Variants in MTMR10 observed in about 807,000 individuals in gnomAD.
MTMR10 encodes myotubularin related protein 10.
Under a neutral mutation model 88.1 loss-of-function variants are expected in MTMR10, and 56 were observed. The ratio of observed to expected loss-of-function variants is 0.64; its 90% CI spans 0.51 to 0.79. MTMR10 has a LOEUF of 0.79. Among genes scored for constraint, MTMR10 ranks in the 30% least tolerant of loss-of-function variants. The probability of loss-of-function intolerance (pLI) is 0.00; values close to 1 mark genes in which losing one functional copy is unlikely to be tolerated. For missense variants in MTMR10, 883 were observed against 924.7 expected, an observed-to-expected ratio of 0.95 and a Z score of 0.58; for synonymous variants, 380 against 340.9, an observed-to-expected ratio of 1.11 and a Z score of -1.26.
chr15:30,919,475 G>A, the MTMR10 span, among the ~76,000 whole-genome samples: 4 of 151,508 alleles, frequency 2.6e-5, 1 homozygote, highest in Admixed American at 2.0e-4. Context: ...TGGATCACTT[G>A]AGGTCAGGAG....
At chr15:30,960,526 G>A (rs575689312) in intron 7 of MTMR10, among the ~76,000 whole-genome samples, 265 of 152,260 alleles carry the variant, frequency 1.7e-3, no homozygotes, top group Middle Eastern at 3.4e-3. Context: ...GTAAAAAAGA[G>A]GTGGGAGGAG....
intron 9 of MTMR10, among the ~76,000 whole-genome samples, chr15:30,955,992 C>A (rs1444155638): frequency 3.1e-5 from 3 of 96,040 alleles, no homozygotes; most frequent in Non-Finnish European, 6.4e-5. Context: ...AAAACAAAAC[C>A]CTGCTGTTGT....
the MTMR10 span, chr15:30,928,878 T>C: frequency 2.6e-6 from 2 of 774,340 alleles, no homozygotes; most frequent in Non-Finnish European, 3.1e-6. Context: ...CACCTTACAT[T>C]TAGACCTTTC....
intron 7 of MTMR10, among the ~76,000 whole-genome samples, chr15:30,960,426 A>G (rs1240522275): frequency 2.0e-5 from 3 of 152,224 alleles, no homozygotes; most frequent in Admixed American, 1.3e-4. Context: ...AGAGGAACAC[A>G]TTACGGGACA....
intron 12 of MTMR10, chr15:30,950,147 C>T (rs1329423670): frequency 6.6e-6 from 1 of 152,060 alleles, no homozygotes; most frequent in African/African-American, 2.4e-5. Flanking sequence ...ATTACAAATG[C>T]ATGGAGAAAT....
intron 5 of MTMR10, among the ~76,000 whole-genome samples, chr15:30,970,803 G>T (rs1462829210): frequency 6.6e-6 from 1 of 152,032 alleles, no homozygotes; most frequent in Non-Finnish European, 1.5e-5. Context: ...ATCACATCAG[G>T]TTAGGAAACA....
At chr15:30,944,219 A>C (rs1285345195) in intron 14 of MTMR10, among the ~76,000 whole-genome samples, 1 of 152,122 alleles carries the variant, frequency 6.6e-6, no homozygotes, top group Non-Finnish European at 1.5e-5. Context: ...GTTTTACAAA[A>C]TTTTCTATTT....
chr15:30,945,253 T>C (rs889066348), intron 14 of MTMR10, among the ~76,000 whole-genome samples: 2 of 152,104 alleles, frequency 1.3e-5, no homozygotes, highest in South Asian at 2.1e-4. Flanking sequence ...GGGGGATTCA[T>C]GTTAGTATTT....
chr15:30,924,998 A>T, the MTMR10 span: 1 of 892,854 alleles, frequency 1.1e-6, no homozygotes, highest in East Asian at 2.5e-5. Context: ...AATCTCTAGA[A>T]GTGCTGTTTG....
intron 1 of MTMR10, 112 bp from the exon 2 acceptor site, chr15:30,990,949 C>A (rs990408843): frequency 1.1e-5 from 9 of 842,442 alleles, no homozygotes; most frequent in South Asian, 1.7e-5. Flanking sequence ...ACACAGCCCC[C>A]CATTTAAATT....
rs190397007 is a variant in MTMR10, at chr15:30,975,609, C to T, written c.259-606G>A. 5.9e-3 allele frequency among the ~76,000 whole-genome samples: 893 copies of T among 152,156 alleles called. 6 individuals carry two copies. Among genetic ancestry groups the T allele is most frequent in the Middle Eastern group, 0.02 (6 of 294 alleles). ...CAAAGAGAAACACACAAGCCTATAT[C>T]CAAATAAGCTACTGTCCCTACACAG... is the stretch of plus-strand genomic sequence containing the variant. On this transcript the variant is annotated intron_variant, in intron 3 of 15. Transcript: ENST00000435680.
intron 2 of MTMR10, among the ~76,000 whole-genome samples, chr15:30,990,232 T>C (rs2031226769): frequency 6.6e-6 from 1 of 152,132 alleles, no homozygotes; most frequent in Admixed American, 6.5e-5. Context: ...TGGCATCTAG[T>C]GGGTGGAGGC....
chr15:30,972,825 AATT>A (rs1462241474), intron 5 of MTMR10, among the ~76,000 whole-genome samples: 1 of 152,188 alleles, frequency 6.6e-6, no homozygotes, highest in Non-Finnish European at 1.5e-5. Context: ...TAGGCCAAAT[AATT>A]ATTATTTCCA....
In MTMR10 at chr15:30,974,438, T is replaced by C. The variant is rs2029959125; in HGVS notation, c.350A>G (p.Lys117Arg). ...CTGGTTGGGGCCTAGGACTTTCTGCTTCCTCTTGTGGTCGTTTACTAAAAA... is the reference window on the plus strand; with the variant it reads ...CTGGTTGGGGCCTAGGACTTTCTGCCTCCTCTTGTGGTCGTTTACTAAAAA... ...QIVTVNDHKRKQKVLGPNQKL... is the reference protein window; with the variant it reads ...QIVTVNDHKRRQKVLGPNQKL... The change falls in exon 5 of 16, where the codon AAG becomes AGG. Residue 117 changes from lysine to arginine, a missense_variant. Around this residue, in one of 3 missense-constraint regions of MTMR10, gnomAD observed 414 missense variants for 423.2 expected, o/e 0.98. Coordinates refer to ENST00000435680, the MANE Select transcript of MTMR10 (RefSeq NM_017762.3). 5.1e-6 allele frequency: 8 copies of C among 1,565,658 alleles called. No homozygotes were observed. The highest frequency in any genetic ancestry group is 1.2e-5 in the South Asian group (1 of 81,988).
chr15:30,978,364 GGTGCCTGTGAAAAGA>G (rs2030311084), intron 2 of MTMR10, among the ~76,000 whole-genome samples: 1 of 152,170 alleles, frequency 6.6e-6, no homozygotes, highest in Non-Finnish European at 1.5e-5. Flanking sequence ...GCACAGGGTA[GGTGCCTGTGAAAAGA>G]GTGCTGAATG....
intron 3 of MTMR10, 21 bp downstream of exon 3, chr15:30,976,798 C>G: frequency 6.2e-7 from 1 of 1,603,774 alleles, no homozygotes. Context: ...TAGAATGAAA[C>G]AGTGTACTAA....
chr15:30,961,127 C>A, intron 6 of MTMR10, 54 bp from the exon 7 acceptor site: 1 of 1,500,336 alleles, frequency 6.7e-7, no homozygotes, highest in African/African-American at 1.4e-5. Flanking sequence ...CCCCAGCATT[C>A]CCTCTTCTCT....
chr15:30,958,966 G>C lies in MTMR10; in HGVS notation c.847-15C>G. On this transcript the variant is annotated splice_polypyrimidine_tract_variant and intron_variant, in intron 8 of 15. Coordinates refer to ENST00000435680, the MANE Select transcript of MTMR10 (RefSeq NM_017762.3). ...CAGCACCAGAGCTAGGGGAGAGGTA[G>C]AATCCTTACTTCACTGTGTAGAAAC... 6.2e-7 allele frequency: 1 copy of C among 1,613,940 alleles called. No individual in the cohort carries two copies.
At chr15:30,968,654 C>T (rs915795425) in intron 5 of MTMR10, among the ~76,000 whole-genome samples, 1 of 151,716 alleles carries the variant, frequency 6.6e-6, no homozygotes, top group Admixed American at 6.6e-5. Context: ...TCAAACAGAT[C>T]AGGGGGCTTG....
Sources: gnomAD v4.1 joint callset for allele counts (sites outside exome capture counted in the v4.1 genomes callset) on GRCh38, gnomAD v4.1.1 for gene constraint, gnomAD v4.1.1 regional missense constraint, MANE v1.5 for transcripts, NCBI Gene and HGNC (gene_info 2026-07-23, HGNC 2026-07-21) for gene names.